Variants in MTUS2 observed in about 807,000 individuals in gnomAD.
The protein encoded by MTUS2 is microtubule-associated tumor suppressor candidate 2.
In MTUS2, 40 loss-of-function variants were observed where a neutral mutation model predicts 114.1. That is an observed-to-expected ratio of 0.35 (90% confidence interval 0.27 to 0.46). MTUS2 has a LOEUF of 0.46. Among genes scored for constraint, MTUS2 ranks in the 20% least tolerant of loss-of-function variants. MTUS2 has a pLI of 1.00. For missense variants in MTUS2, 1,679 were observed against 1,705.4 expected, an observed-to-expected ratio of 0.98 and a Z score of 0.27; for synonymous variants, 688 against 672.0, an observed-to-expected ratio of 1.02 and a Z score of -0.37.
chr13:29,501,919 T>A (rs900784116), intron 15 of MTUS2, among the ~76,000 whole-genome samples: 1 of 152,146 alleles, frequency 6.6e-6, no homozygotes, highest in African/African-American at 2.4e-5. Context: ...ACTCATATAC[T>A]CATACAATCC....
At chr13:29,043,393 T>C (rs1887462330) in intron 4 of MTUS2, among the ~76,000 whole-genome samples, 1 of 152,232 alleles carries the variant, frequency 6.6e-6, no homozygotes, top group East Asian at 1.9e-4. Flanking sequence ...TGCTGATGAA[T>C]GTACATTCTG....
At chr13:29,449,251 T>C (rs1412937559) in intron 9 of MTUS2, among the ~76,000 whole-genome samples, 2 of 149,544 alleles carry the variant, frequency 1.3e-5, no homozygotes, top group African/African-American at 4.9e-5. Flanking sequence ...TTTGCGGCAG[T>C]GAGCACTGAA....
chr13:28,958,540 T>C (rs1883177012), intron 2 of MTUS2, among the ~76,000 whole-genome samples: 1 of 152,208 alleles, frequency 6.6e-6, no homozygotes, highest in African/African-American at 2.4e-5. Context: ...TTTAAAAATA[T>C]CTCCAAAAGA....
intron 5 of MTUS2, among the ~76,000 whole-genome samples, chr13:29,213,883 C>T (rs1191233768): frequency 2.0e-5 from 3 of 151,806 alleles, no homozygotes; most frequent in Non-Finnish European, 4.4e-5. Flanking sequence ...TCTTTCTTTT[C>T]TTTTGTTTTC....
chr13:28,838,498 C>A (rs574477056), intron 1 of MTUS2, among the ~76,000 whole-genome samples: 2 of 152,248 alleles, frequency 1.3e-5, no homozygotes, highest in African/African-American at 4.8e-5. Context: ...TGGGCTTGGA[C>A]CTGTGTGGGA....
chr13:28,973,258 A>G (rs1442739893), intron 2 of MTUS2, among the ~76,000 whole-genome samples: 2 of 152,214 alleles, frequency 1.3e-5, no homozygotes, highest in African/African-American at 4.8e-5. Flanking sequence ...AGAGTAATGA[A>G]ACAACACTTC....
chr13:29,394,969 C>A (rs959471335), intron 8 of MTUS2, among the ~76,000 whole-genome samples: 1 of 152,134 alleles, frequency 6.6e-6, no homozygotes, highest in Admixed American at 6.5e-5. Flanking sequence ...GAAATCAGTC[C>A]CTGGTGCCAA....
chr13:29,300,760 A>T, intron 6 of MTUS2, among the ~76,000 whole-genome samples: 1 of 152,192 alleles, frequency 6.6e-6, no homozygotes, highest in East Asian at 1.9e-4. Context: ...ACGCAAGAAT[A>T]AGAAGGAAAT....
intron 5 of MTUS2, among the ~76,000 whole-genome samples, chr13:29,227,143 G>A (rs1026357196): frequency 6.0e-4 from 91 of 151,544 alleles, no homozygotes; most frequent in African/African-American, 1.8e-3. Context: ...CCTGTAATAC[G>A]AGCTACTCGG....
intron 2 of MTUS2, among the ~76,000 whole-genome samples, chr13:28,884,952 G>A (rs1878504716): frequency 6.6e-6 from 1 of 151,656 alleles, no homozygotes; most frequent in South Asian, 2.1e-4. Flanking sequence ...CATTTTGTCA[G>A]CGTCCTCACC....
At chr13:29,018,504 G>A (rs1174592689) in intron 2 of MTUS2, among the ~76,000 whole-genome samples, 1 of 152,252 alleles carries the variant, frequency 6.6e-6, no homozygotes, top group Admixed American at 6.5e-5. Flanking sequence ...GCCGGGCCCA[G>A]TGGCTCATGC....
Position 29,148,680 on chromosome 13 carries a change from G to A in MTUS2, c.2644+47710G>A, listed in dbSNP as rs1481742073. On this transcript the variant is annotated intron_variant, in intron 5 of 15. Transcript: ENST00000612955. ...TTTTTAGTAGAGACGGGGTTTCACC[G>A]TTTTAGCCGGGATGGTCTCGATCTC... is the stretch of plus-strand genomic sequence containing the variant. 1.8e-4 allele frequency among the ~76,000 whole-genome samples: 14 copies of A among 78,524 alleles called. 2 individuals carry two copies. The South Asian group carries it at 4.2e-3, about 23-fold the overall frequency. The allele number at this position is 78,524 out of a possible 152,430, so 51.5% of individuals were successfully genotyped here.
intron 2 of MTUS2, among the ~76,000 whole-genome samples, chr13:29,010,309 T>C (rs1366371718): frequency 2.0e-5 from 3 of 152,212 alleles, no homozygotes; most frequent in Non-Finnish European, 2.9e-5. Flanking sequence ...CATTATCTTT[T>C]TCTACTTTAA....
intron 5 of MTUS2, among the ~76,000 whole-genome samples, chr13:29,196,933 G>C (rs574863580): frequency 4.9e-4 from 75 of 152,268 alleles, no homozygotes; most frequent in African/African-American, 1.8e-3. Context: ...ATCTGTTTCA[G>C]TTCCTGCTTG....
chr13:29,366,744 C>T (rs138616675), intron 8 of MTUS2, among the ~76,000 whole-genome samples: 2 of 152,302 alleles, frequency 1.3e-5, no homozygotes, highest in African/African-American at 4.8e-5. Flanking sequence ...CTTGGGGACA[C>T]CACCAAGTGC....
intron 8 of MTUS2, among the ~76,000 whole-genome samples, chr13:29,409,197 T>C (rs192965766): frequency 3.3e-5 from 5 of 152,178 alleles, no homozygotes; most frequent in Admixed American, 2.0e-4. Flanking sequence ...GCACCTGTAA[T>C]CTCAGCTACT....
chr13:29,251,294 T>TG lies in MTUS2; in HGVS notation c.2645-30410_2645-30409insG, dbSNP rs386363467. On this transcript the variant is annotated intron_variant, in intron 5 of 15. Transcript: ENST00000612955. The stretch of plus-strand genomic sequence containing the variant: ...CTTACCTGTGAAAATGGGATGATGA[T>TG]AATAATAATAATAATAATAATAATA... 3.3e-5 allele frequency among the ~76,000 whole-genome samples: 5 copies of TG among 150,196 alleles called. No individual in the cohort carries two copies. The East Asian group carries it at 5.9e-4, about 18-fold the overall frequency.
At chr13:29,420,944 G>A (rs1348486797) in intron 8 of MTUS2, among the ~76,000 whole-genome samples, 1 of 152,186 alleles carries the variant, frequency 6.6e-6, no homozygotes, top group Non-Finnish European at 1.5e-5. Flanking sequence ...TCTTACATCA[G>A]TAGCAACCTT....
chr13:28,971,989 G>A (rs1342347644), intron 2 of MTUS2, among the ~76,000 whole-genome samples: 1 of 152,156 alleles, frequency 6.6e-6, no homozygotes, highest in Admixed American at 6.5e-5. Context: ...AATAGCCAAG[G>A]GTGAAAACAA....
Sources: gnomAD v4.1 joint callset for allele counts (sites outside exome capture counted in the v4.1 genomes callset) on GRCh38, gnomAD v4.1.1 for gene constraint, MANE v1.5 for transcripts, NCBI Gene and HGNC (gene_info 2026-07-23, HGNC 2026-07-21) for gene names.